Variants in ZZZ3 observed in about 807,000 individuals in gnomAD.
ZZZ3 encodes ZZ-type zinc finger-containing protein 3.
In ZZZ3, 22 loss-of-function variants were observed where a neutral mutation model predicts 95.2. That is an observed-to-expected ratio of 0.23 (90% CI 0.17 to 0.33). The LOEUF is 0.33. Among genes scored for constraint, ZZZ3 ranks in the 10% least tolerant of loss-of-function variants. The probability of loss-of-function intolerance (pLI) is 1.00; values close to 1 mark genes in which losing one functional copy is unlikely to be tolerated. For synonymous variants in ZZZ3, 335 were observed against 358.9 expected (o/e 0.93, Z 0.75); for missense variants, 885 against 1,066.5 (o/e 0.83, Z 2.37).
chr1:77,638,021 C>G (rs947406277), intron 4 of ZZZ3, among the ~76,000 whole-genome samples: 2 of 152,158 alleles, frequency 1.3e-5, no homozygotes, highest in Admixed American at 1.3e-4. Flanking sequence ...GGGCAAAACG[C>G]AATCTAACTA....
At chr1:77,592,083 AG>A (rs1372202199) in intron 5 of ZZZ3, among the ~76,000 whole-genome samples, 1 of 152,054 alleles carries the variant, frequency 6.6e-6, no homozygotes, top group Non-Finnish European at 1.5e-5. Context: ...CTTGGGACTG[AG>A]GAAAGAATAC....
intron 1 of ZZZ3, among the ~76,000 whole-genome samples, chr1:77,642,899 C>T (rs1668915042): frequency 1.3e-5 from 2 of 152,144 alleles, no homozygotes; most frequent in Admixed American, 1.3e-4. Context: ...TATCCTCAAA[C>T]ACAATTCCTT....
intron 1 of ZZZ3, among the ~76,000 whole-genome samples, chr1:77,670,091 C>T (rs1671620315): frequency 7.2e-6 from 1 of 138,256 alleles, no homozygotes; most frequent in Non-Finnish European, 1.6e-5. Flanking sequence ...CCCCATATTA[C>T]TCCCTTGAAA....
chr1:77,631,846 A>G lies in ZZZ3; in HGVS notation c.1505+4T>C. The stretch of plus-strand genomic sequence containing the variant: ...GAATTCATGGTTACCATATTTACAC[A>G]TACTCTTTGTTGTGTTTCAGTGCCA... On this transcript the variant is annotated splice_donor_region_variant and intron_variant, in intron 5 of 14. Transcript: ENST00000370801. 2 of 1,563,470 alleles carry G rather than the reference A, an allele frequency of 1.3e-6. No homozygotes were observed. The highest frequency in any genetic ancestry group is 1.7e-6 in the Non-Finnish European group (2 of 1,152,912).
chr1:77,620,895 C>A (rs1022211249), intron 5 of ZZZ3, among the ~76,000 whole-genome samples: 1 of 152,088 alleles, frequency 6.6e-6, no homozygotes, highest in South Asian at 2.1e-4. Flanking sequence ...GTAACTGAAG[C>A]CTAAGCAGTG....
At chr1:77,678,804 C>T (rs1336138946) in intron 1 of ZZZ3, among the ~76,000 whole-genome samples, 1 of 152,152 alleles carries the variant, frequency 6.6e-6, no homozygotes, top group Non-Finnish European at 1.5e-5. Flanking sequence ...TGGTTGCAGT[C>T]ATTTTGAAGG....
intron 5 of ZZZ3, among the ~76,000 whole-genome samples, chr1:77,613,585 T>C (rs527510431): frequency 6.6e-6 from 1 of 152,082 alleles, no homozygotes; most frequent in Non-Finnish European, 1.5e-5. Context: ...CTCTCTAGTG[T>C]TGCTATGCAA....
intron 5 of ZZZ3, among the ~76,000 whole-genome samples, chr1:77,613,714 C>T (rs376144002): frequency 1.1e-4 from 17 of 152,046 alleles, no homozygotes; most frequent in African/African-American, 3.9e-4. Context: ...TTCTCCTGAC[C>T]TTCTCCATTC....
chr1:77,573,053 C>T (rs1194752410), intron 12 of ZZZ3, among the ~76,000 whole-genome samples: 4 of 149,612 alleles, frequency 2.7e-5, no homozygotes, highest in Non-Finnish European at 5.9e-5. Context: ...TCCACTGAAA[C>T]TCTCAATCTA....
At chr1:77,649,739 G>A (rs747873709) in intron 1 of ZZZ3, among the ~76,000 whole-genome samples, 24 of 151,992 alleles carry the variant, frequency 1.6e-4, no homozygotes, top group Non-Finnish European at 2.2e-4. Context: ...AAAATTAGCC[G>A]GGTATGGTGG....
intron 9 of ZZZ3, chr1:77,580,470 C>G (rs183751049): frequency 3.3e-5 from 5 of 152,184 alleles, no homozygotes; most frequent in Non-Finnish European, 7.3e-5. Flanking sequence ...CTCTCAAAAC[C>G]CAGGTTCCTT....
intron 10 of ZZZ3, 136 bp downstream of exon 10, chr1:77,579,391 T>A (rs549671711): frequency 5.0e-5 from 28 of 564,936 alleles, no homozygotes; most frequent in Admixed American, 1.8e-4. Flanking sequence ...ACAATTTTTT[T>A]AAAAAAACAC....
intron 5 of ZZZ3, among the ~76,000 whole-genome samples, chr1:77,607,898 C>T (rs1323638534): frequency 1.9e-4 from 26 of 133,982 alleles, no homozygotes; most frequent in South Asian, 1.4e-3. Flanking sequence ...CCAGCCTGGG[C>T]GACAGAACAA....
Position 77,626,389 on chromosome 1 carries a change from G to C in ZZZ3, c.1505+5461C>G, listed in dbSNP as rs1342962067. Among the ~76,000 whole-genome samples, 5 of 152,250 alleles carry C rather than the reference G, an allele frequency of 3.3e-5. No individual in the cohort carries two copies. In the East Asian group the frequency reaches 9.6e-4, roughly 29 times the overall value. Reference sequence around the variant, plus strand: ...TAATTATACAACTCACCATAATGTAGAATCAGTGGGAGCCCTAAGCTTGTT... The same window carrying C: ...TAATTATACAACTCACCATAATGTACAATCAGTGGGAGCCCTAAGCTTGTT... On this transcript the variant is annotated intron_variant, in intron 5 of 14. Transcript: ENST00000370801.
chr1:77,643,508 T>C (rs1668970576), intron 1 of ZZZ3, among the ~76,000 whole-genome samples: 1 of 152,248 alleles, frequency 6.6e-6, no homozygotes, highest in Non-Finnish European at 1.5e-5. Flanking sequence ...CCAAGTCCTA[T>C]TCCTAAAGCC....
intron 5 of ZZZ3, among the ~76,000 whole-genome samples, chr1:77,605,009 C>T (rs938448808): frequency 1.3e-5 from 2 of 152,008 alleles, no homozygotes; most frequent in Non-Finnish European, 2.9e-5. Flanking sequence ...ACCGATGGTC[C>T]CCCCAAAAAG....
chr1:77,595,897 G>T (rs1412808400), intron 5 of ZZZ3, among the ~76,000 whole-genome samples: 3 of 151,812 alleles, frequency 2.0e-5, no homozygotes, highest in Non-Finnish European at 4.4e-5. Flanking sequence ...AGCAAAAGAG[G>T]GTATACTGAA....
chr1:77,611,504 CAA>C (rs761514758), intron 5 of ZZZ3, among the ~76,000 whole-genome samples: 4 of 151,814 alleles, frequency 2.6e-5, no homozygotes, highest in Non-Finnish European at 5.9e-5. Flanking sequence ...TATGGAACCA[CAA>C]AAGACTCCAA....
intron 1 of ZZZ3, among the ~76,000 whole-genome samples, chr1:77,651,335 C>T (rs989577035): frequency 5.3e-5 from 8 of 152,218 alleles, no homozygotes; most frequent in South Asian, 2.1e-4. Context: ...ACCAAGATCA[C>T]GCCACTGCAC....
Sources: allele counts gnomAD v4.1 joint callset (sites outside exome capture counted in the v4.1 genomes callset), GRCh38; gene constraint gnomAD v4.1.1; transcripts MANE v1.5; gene names NCBI Gene and HGNC (gene_info 2026-07-23, HGNC 2026-07-21).